The following TFPI variants were observed in gnomAD, a reference collection of about 807,000 sequenced individuals.
TFPI encodes anti-convertin.
TFPI carries 15 observed loss-of-function variants against 34.6 expected under a neutral mutation model. The observed-to-expected ratio is 0.43, with a 90% CI of 0.29 to 0.67. TFPI has a LOEUF of 0.67. Among genes scored for constraint, TFPI ranks in the 30% least tolerant of loss-of-function variants. The probability of loss-of-function intolerance (pLI) is 0.15; values close to 1 mark genes in which losing one functional copy is unlikely to be tolerated. For synonymous variants in TFPI, 105 were observed against 120.1 expected (o/e 0.87, Z 0.82); for missense variants, 301 against 364.0 (o/e 0.83, Z 1.41).
chr2:187,542,346 T>TG (rs1331313246), intron 1 of TFPI, among the ~76,000 whole-genome samples: 2 of 151,856 alleles, frequency 1.3e-5, no homozygotes, highest in Non-Finnish European at 2.9e-5. Flanking sequence ...TGTGTGTGTG[T>TG]GTGTGTGTTT....
chr2:187,496,733 T>C (rs1464274396), intron 3 of TFPI, 148 bp downstream of exon 3: 2 of 709,398 alleles, frequency 2.8e-6, no homozygotes, highest in African/African-American at 3.6e-5. Flanking sequence ...TTTTTAGGAT[T>C]CCCTGAAAGT....
At chr2:187,549,974 G>T (rs1467321741) in intron 1 of TFPI, among the ~76,000 whole-genome samples, 1 of 152,030 alleles carries the variant, frequency 6.6e-6, no homozygotes, top group Non-Finnish European at 1.5e-5. Context: ...CCCCACATTT[G>T]TACATTTGTT....
chr2:187,521,432 T>C (rs1247694746), intron 1 of TFPI, among the ~76,000 whole-genome samples: 1 of 152,098 alleles, frequency 6.6e-6, no homozygotes, highest in Non-Finnish European at 1.5e-5. Context: ...ACTCTGATTT[T>C]AATTCTTTTT....
intron 6 of TFPI, among the ~76,000 whole-genome samples, chr2:187,479,546 CAT>C (rs35837997): frequency 0.13 from 8,308 of 62,238 alleles, 328 homozygotes; most frequent in Admixed American, 0.2. Flanking sequence ...ATATCACGTT[CAT>C]ATATATATAT....
At chr2:187,505,115 G>T (rs1169336406) in intron 1 of TFPI, among the ~76,000 whole-genome samples, 1 of 127,918 alleles carries the variant, frequency 7.8e-6, no homozygotes, top group African/African-American at 3.5e-5. Context: ...AATCCTTATC[G>T]CATTTTTGAA....
chr2:187,515,699 A>G (rs933665292), intron 1 of TFPI: 4 of 152,208 alleles, frequency 2.6e-5, no homozygotes, highest in African/African-American at 9.6e-5. Flanking sequence ...TTCCCAGTAT[A>G]TACGTCAAGT....
intron 1 of TFPI, among the ~76,000 whole-genome samples, chr2:187,539,030 ACTTTT>A (rs1197515884): frequency 6.6e-6 from 1 of 152,096 alleles, no homozygotes; most frequent in Non-Finnish European, 1.5e-5. Context: ...ATCAACATAC[ACTTTT>A]CTTATGAGCA....
chr2:187,528,980 G>A (rs1278921485), intron 1 of TFPI, among the ~76,000 whole-genome samples: 1 of 152,150 alleles, frequency 6.6e-6, no homozygotes, highest in Non-Finnish European at 1.5e-5. Context: ...GATACAGGCA[G>A]TCACCATCTT....
chr2:187,533,852 C>T (rs1488309224), intron 1 of TFPI, among the ~76,000 whole-genome samples: 1 of 152,120 alleles, frequency 6.6e-6, no homozygotes, highest in Non-Finnish European at 1.5e-5. Flanking sequence ...CTAGAATAAC[C>T]AGTTTAGGAA....
chr2:187,533,825 T>C (rs887746699), intron 1 of TFPI, among the ~76,000 whole-genome samples: 2 of 151,938 alleles, frequency 1.3e-5, no homozygotes, highest in African/African-American at 2.4e-5. Flanking sequence ...TTGAAAAAAG[T>C]ATGGAGAAAT....
intron 1 of TFPI, chr2:187,515,391 G>A (rs996921015): frequency 6.6e-6 from 1 of 152,234 alleles, no homozygotes; most frequent in Non-Finnish European, 1.5e-5. Flanking sequence ...CCGTATCAGA[G>A]AGCCCAGTTA....
intron 1 of TFPI, among the ~76,000 whole-genome samples, chr2:187,510,047 A>C (rs541741113): frequency 1.3e-5 from 2 of 152,244 alleles, no homozygotes; most frequent in Admixed American, 1.3e-4. Context: ...TGCCCCTTTC[A>C]AGTTAGCCAA....
intron 1 of TFPI, among the ~76,000 whole-genome samples, chr2:187,535,821 TAGAC>T (rs1464214703): frequency 1.3e-4 from 20 of 151,864 alleles, no homozygotes; most frequent in African/African-American, 2.2e-4. Context: ...ATTAACAAAA[TAGAC>T]AGACCGTTAA....
At chr2:187,524,665 G>A (rs1559144419) in intron 1 of TFPI, among the ~76,000 whole-genome samples, 1 of 151,998 alleles carries the variant, frequency 6.6e-6, no homozygotes, top group Non-Finnish European at 1.5e-5. Context: ...AAAATAAAGA[G>A]ATCAGAAACA....
At chr2:187,483,892 A>G in intron 6 of TFPI, 1 of 483,592 alleles carries the variant, frequency 2.1e-6, no homozygotes, top group Non-Finnish European at 3.6e-6. Flanking sequence ...TTCATGTGAT[A>G]CATAATCAAA....
chr2:187,545,725 G>C (rs1688822675), intron 1 of TFPI, among the ~76,000 whole-genome samples: 1 of 151,708 alleles, frequency 6.6e-6, no homozygotes, highest in South Asian at 2.1e-4. Flanking sequence ...CAAAAGTTAA[G>C]AAACATATTT....
At chr2:187,507,862 G>A (rs1465706681) in intron 1 of TFPI, among the ~76,000 whole-genome samples, 1 of 152,152 alleles carries the variant, frequency 6.6e-6, no homozygotes, top group East Asian at 1.9e-4. Context: ...TGCTTTTGGT[G>A]TTTTAGTCAT....
chr2:187,532,198 G>T (rs529704382), intron 1 of TFPI, among the ~76,000 whole-genome samples: 1 of 152,174 alleles, frequency 6.6e-6, no homozygotes, highest in African/African-American at 2.4e-5. Context: ...ATATTTATAT[G>T]AGCATATGTG....
intron 1 of TFPI, among the ~76,000 whole-genome samples, chr2:187,534,901 A>T (rs549393695): frequency 2.6e-5 from 4 of 151,846 alleles, no homozygotes; most frequent in African/African-American, 9.7e-5. Flanking sequence ...AAGCAAAAAA[A>T]AAAATAAAAA....
Sources: allele counts gnomAD v4.1 joint callset (sites outside exome capture counted in the v4.1 genomes callset), GRCh38; gene constraint gnomAD v4.1.1; transcripts MANE v1.5; gene names NCBI Gene and HGNC (gene_info 2026-07-23, HGNC 2026-07-21).